The following SOHLH2 variants were observed in gnomAD, a reference collection of about 807,000 sequenced individuals.
SOHLH2 encodes the protein spermatogenesis and oogenesis specific basic helix-loop-helix 2.
Under a neutral mutation model 50.4 loss-of-function variants are expected in SOHLH2, and 22 were observed. The observed-to-expected ratio is 0.44, with a 90% confidence interval of 0.31 to 0.62. SOHLH2 has a LOEUF of 0.62. Ranked by LOEUF, SOHLH2 falls within the 20% of genes least tolerant of loss-of-function variation. The probability of loss-of-function intolerance (pLI) is 0.08; values close to 1 mark genes in which losing one functional copy is unlikely to be tolerated. For missense variants in SOHLH2, 412 were observed against 504.4 expected, an observed-to-expected ratio of 0.82 and a Z score of 1.76; for synonymous variants, 185 against 187.3, an observed-to-expected ratio of 0.99 and a Z score of 0.10.
At chr13:36,212,499 A>C (rs1182160768) in intron 1 of SOHLH2, among the ~76,000 whole-genome samples, 1 of 152,244 alleles carries the variant, frequency 6.6e-6, no homozygotes, top group African/African-American at 2.4e-5. Context: ...GCGATAAAAA[A>C]GATCTATTGA....
At chr13:36,170,457 C>G (rs908361932) in intron 10 of SOHLH2, 74 bp downstream of exon 10, 3 of 1,527,796 alleles carry the variant, frequency 2.0e-6, no homozygotes, top group African/African-American at 1.4e-5. Context: ...GTAGCAACAA[C>G]AAATGCAGGT....
chr13:36,194,159 A>C (rs1387199652), intron 2 of SOHLH2, among the ~76,000 whole-genome samples: 1 of 151,934 alleles, frequency 6.6e-6, no homozygotes, highest in Non-Finnish European at 1.5e-5. Context: ...AAAGAACATC[A>C]TGGGAATGAA....
At chr13:36,186,593 T>C (rs1887426990) in intron 6 of SOHLH2, among the ~76,000 whole-genome samples, 1 of 152,100 alleles carries the variant, frequency 6.6e-6, no homozygotes, top group Non-Finnish European at 1.5e-5. Flanking sequence ...CTCAAGTGAA[T>C]AGACACCCCC....
chr13:36,196,372 C>A (rs556582475), intron 2 of SOHLH2, among the ~76,000 whole-genome samples: 1 of 151,968 alleles, frequency 6.6e-6, no homozygotes, highest in Admixed American at 6.6e-5. Context: ...GCAATCTTCC[C>A]GCTTCAACCT....
chr13:36,188,138 T>C (rs1887474614), intron 6 of SOHLH2, among the ~76,000 whole-genome samples: 1 of 152,184 alleles, frequency 6.6e-6, no homozygotes, highest in Admixed American at 6.5e-5. Flanking sequence ...AGATACGCAA[T>C]GTCTTGGACC....
At chr13:36,184,472 T>TTTTTTTTTTTTTTG in intron 6 of SOHLH2, among the ~76,000 whole-genome samples, 1 of 144,030 alleles carries the variant, frequency 6.9e-6, no homozygotes. Context: ...TTTTTTTTTT[T>TTTTTTTTTTTTTTG]TTTTTTTGAG....
At chr13:36,193,414 C>T (rs996168399) in intron 4 of SOHLH2, among the ~76,000 whole-genome samples, 1 of 152,228 alleles carries the variant, frequency 6.6e-6, no homozygotes, top group African/African-American at 2.4e-5. Context: ...TTCAACCCCC[C>T]ACCCAAAACC....
At chr13:36,192,479 C>A (rs1887603980) in intron 4 of SOHLH2, among the ~76,000 whole-genome samples, 1 of 151,936 alleles carries the variant, frequency 6.6e-6, no homozygotes, top group Non-Finnish European at 1.5e-5. Flanking sequence ...GGGCTGGGAG[C>A]CACTGGAATG....
intron 6 of SOHLH2, 116 bp from the exon 7 acceptor site, chr13:36,174,985 A>G: frequency 7.3e-7 from 1 of 1,376,374 alleles, no homozygotes; most frequent in Non-Finnish European, 9.5e-7. Flanking sequence ...CCCTCCCTAT[A>G]TAGTCTCCAT....
At chr13:36,201,817 T>A (rs2138318684) in intron 2 of SOHLH2, 62 bp downstream of exon 2, 2 of 1,589,534 alleles carry the variant, frequency 1.3e-6, no homozygotes, top group Non-Finnish European at 1.7e-6. Flanking sequence ...TAGGAGTTTT[T>A]AAAAAATGGG....
At position 36,174,762 on chromosome 13, in the gene SOHLH2, T is replaced by C. The variant is rs143431759; in HGVS notation, c.749A>G (p.Lys250Arg). 100 of 1,611,206 alleles carry C rather than the reference T, an allele frequency of 6.2e-5. No homozygotes were observed. Among genetic ancestry groups the C allele is most frequent in the Non-Finnish European group, 7.9e-5 (93 of 1,179,178 alleles). ...TGGAGAGATTTTCTCCCGGATATAT[T>C]TCACATAATCAACTGTTGCCTCAAG... ...SVLEATVDYV[K>R]YIREKISPAV... The change falls in exon 7 of 11, where the codon AAA (lysine) becomes AGA (arginine). Residue 250 changes from lysine (K) to arginine (R), a missense_variant. Lys to Arg is a conservative substitution (Grantham distance 26). Coordinates refer to ENST00000379881, the MANE Select transcript of SOHLH2 (RefSeq NM_017826.3).
chr13:36,192,442 G>C (rs1369380101), intron 4 of SOHLH2, among the ~76,000 whole-genome samples: 1 of 152,080 alleles, frequency 6.6e-6, no homozygotes, highest in Non-Finnish European at 1.5e-5. Flanking sequence ...GGTCACCAAA[G>C]TTAGCCATTT....
intron 1 of SOHLH2, among the ~76,000 whole-genome samples, chr13:36,208,517 C>T (rs568959046): frequency 2.0e-5 from 3 of 152,132 alleles, no homozygotes; most frequent in African/African-American, 7.2e-5. Flanking sequence ...TAATCTAAAT[C>T]TACAGCCTCT....
rs1487772619 is a variant in SOHLH2 at position 36,214,535 on chromosome 13, C to T, written c.-9G>A. ...ATAATTGAGGAAGCCATGGCCGCTG[C>T]GCACGTGCTGGGTCCTGGGGCAGCC... On this transcript the variant is annotated 5_prime_UTR_variant, in exon 1 of 11. Coordinates refer to ENST00000379881, the MANE Select transcript of SOHLH2 (RefSeq NM_017826.3). 2.5e-6 allele frequency: 4 copies of T among 1,610,148 alleles called. No homozygotes were observed. The highest frequency in any genetic ancestry group is 2.7e-5 in the African/African-American group (2 of 74,840).
chr13:36,173,595 G>T, intron 9 of SOHLH2, 97 bp downstream of exon 9: 1 of 1,427,318 alleles, frequency 7.0e-7, no homozygotes, highest in Non-Finnish European at 9.8e-7. Context: ...AGCTCTCCTG[G>T]ATTCCCTGGT....
chr13:36,191,122 T>C (rs918927935), intron 5 of SOHLH2, among the ~76,000 whole-genome samples: 8 of 152,316 alleles, frequency 5.3e-5, no homozygotes, highest in Middle Eastern at 6.8e-3. Context: ...TTGAATTTTA[T>C]AAGCATACTA....
At chr13:36,172,253 T>C (rs1886979426) in intron 9 of SOHLH2, among the ~76,000 whole-genome samples, 2 of 152,214 alleles carry the variant, frequency 1.3e-5, no homozygotes, top group Admixed American at 6.5e-5. Context: ...GTATTGTATG[T>C]ACAAAAAAAT....
At chr13:36,195,954 T>C (rs1254659156) in intron 2 of SOHLH2, among the ~76,000 whole-genome samples, 2 of 151,860 alleles carry the variant, frequency 1.3e-5, no homozygotes, top group South Asian at 4.2e-4. Context: ...GCCAACCAAA[T>C]GTGGAGGTAA....
At chr13:36,174,604 C>A (rs757447296) in intron 7 of SOHLH2, 37 bp from the exon 8 acceptor site, 1 of 1,611,030 alleles carries the variant, frequency 6.2e-7, no homozygotes, top group Non-Finnish European at 8.5e-7. Context: ...TAGATACCGA[C>A]ATTTTTACAT....
Sources: allele counts gnomAD v4.1 joint callset (sites outside exome capture counted in the v4.1 genomes callset), GRCh38; gene constraint gnomAD v4.1.1; transcripts MANE v1.5; gene names NCBI Gene and HGNC (gene_info 2026-07-23, HGNC 2026-07-21).